Variants in KCNIP4 observed in about 807,000 individuals in gnomAD.
KCNIP4 encodes the protein potassium voltage-gated channel interacting protein 4, also known as Kv channel-interacting protein 4.
Under a neutral mutation model 34.0 loss-of-function variants are expected in KCNIP4, and 12 were observed. The observed-to-expected ratio is 0.35, with a 90% CI of 0.23 to 0.57. The LOEUF is 0.57. Ranked by LOEUF, KCNIP4 falls within the 20% of genes least tolerant of loss-of-function variation. The pLI, the probability that KCNIP4 is intolerant of heterozygous loss-of-function variation, is 0.83. For synonymous variants in KCNIP4, 124 were observed against 102.2 expected (o/e 1.21, Z -1.29); for missense variants, 238 against 311.7 (o/e 0.76, Z 1.78).
chr4:20,886,570 AT>A (rs1725340317), intron 1 of KCNIP4, among the ~76,000 whole-genome samples: 1 of 152,254 alleles, frequency 6.6e-6, no homozygotes, highest in African/African-American at 2.4e-5. Flanking sequence ...CACAAGCCAC[AT>A]AGAGCTGGAA....
At chr4:21,504,099 T>G (rs972387226) in intron 1 of KCNIP4, among the ~76,000 whole-genome samples, 10 of 152,160 alleles carry the variant, frequency 6.6e-5, no homozygotes, top group Admixed American at 2.6e-4. Flanking sequence ...AAACATCTCC[T>G]GAGCAATTTA....
intron 1 of KCNIP4, among the ~76,000 whole-genome samples, chr4:21,891,276 T>C (rs1249263498): frequency 1.3e-5 from 2 of 152,148 alleles, no homozygotes; most frequent in Non-Finnish European, 2.9e-5. Context: ...ACATCTGCCA[T>C]ACAACTTGCC....
chr4:21,762,133 C>A (rs543921740), intron 1 of KCNIP4, among the ~76,000 whole-genome samples: 1 of 151,788 alleles, frequency 6.6e-6, no homozygotes, highest in African/African-American at 2.4e-5. Context: ...GTAATATGTG[C>A]CACATATATA....
At chr4:21,837,799 G>A (rs532760038) in intron 1 of KCNIP4, among the ~76,000 whole-genome samples, 33 of 152,112 alleles carry the variant, frequency 2.2e-4, no homozygotes, top group African/African-American at 8.0e-4. Flanking sequence ...TGGAGTTTGG[G>A]ATCCTGAATA....
chr4:20,782,817 G>T (rs111955311), intron 3 of KCNIP4, among the ~76,000 whole-genome samples: 1 of 152,068 alleles, frequency 6.6e-6, no homozygotes, highest in African/African-American at 2.4e-5. Context: ...AATATATGCA[G>T]CTGACTTGAA....
chr4:21,867,800 TC>T (rs1725521848), intron 1 of KCNIP4, among the ~76,000 whole-genome samples: 1 of 152,204 alleles, frequency 6.6e-6, no homozygotes, highest in African/African-American at 2.4e-5. Flanking sequence ...TCAATATCAA[TC>T]TTCTTAATCT....
intron 1 of KCNIP4, among the ~76,000 whole-genome samples, chr4:21,292,865 T>C (rs1478564906): frequency 6.6e-6 from 1 of 152,160 alleles, no homozygotes; most frequent in African/African-American, 2.4e-5. Context: ...ATCAGGGACC[T>C]CAGTGGTTTT....
intron 1 of KCNIP4, among the ~76,000 whole-genome samples, chr4:21,573,903 G>A (rs1740539639): frequency 6.6e-6 from 1 of 152,124 alleles, no homozygotes; most frequent in African/African-American, 2.4e-5. Context: ...GCTAAGTTTA[G>A]TTACTGTTTC....
chr4:20,983,699 C>G, intron 1 of KCNIP4: 1 of 799,346 alleles, frequency 1.3e-6, no homozygotes, highest in Non-Finnish European at 2.0e-6. Flanking sequence ...CTATGCCAAA[C>G]ATGCATATTT....
chr4:21,630,606 G>A (rs1745693275), intron 1 of KCNIP4, among the ~76,000 whole-genome samples: 1 of 151,932 alleles, frequency 6.6e-6, no homozygotes, highest in Admixed American at 6.6e-5. Flanking sequence ...TTAGTTTCCA[G>A]CATCAAGTGT....
intron 3 of KCNIP4, among the ~76,000 whole-genome samples, chr4:20,778,008 TAGAC>T (rs1401556346): frequency 6.6e-6 from 1 of 151,964 alleles, no homozygotes; most frequent in African/African-American, 2.4e-5. Flanking sequence ...CAGGATAAAG[TAGAC>T]AGAGAGGTAC....
intron 1 of KCNIP4, among the ~76,000 whole-genome samples, chr4:21,457,766 T>C (rs943911441): frequency 6.6e-6 from 1 of 152,022 alleles, no homozygotes; most frequent in African/African-American, 2.4e-5. Flanking sequence ...ATGCCAACCA[T>C]GTGATATATA....
intron 1 of KCNIP4, among the ~76,000 whole-genome samples, chr4:20,916,680 A>G (rs1177243467): frequency 6.6e-6 from 1 of 151,906 alleles, no homozygotes; most frequent in African/African-American, 2.4e-5. Context: ...AATTGCAAAA[A>G]TCTTTTTCCC....
chr4:21,381,698 A>G (rs966713690), intron 1 of KCNIP4, among the ~76,000 whole-genome samples: 1 of 152,240 alleles, frequency 6.6e-6, no homozygotes, highest in South Asian at 2.1e-4. Flanking sequence ...TAATCATTAT[A>G]ACCATGTCAG....
At position 21,217,985 on chromosome 4, in the gene KCNIP4, T is replaced by G. The variant is rs542401293; in HGVS notation, c.62-335276A>C. Among the ~76,000 whole-genome samples the G allele has an allele frequency of 1.3e-3, 143 of 113,908 alleles. 1 individual carries two copies. Among genetic ancestry groups the G allele is most frequent in the Admixed American group, 0.01 (127 of 12,176 alleles). The allele number at this position is 113,908 out of a possible 152,430, so 74.7% of individuals were successfully genotyped here. A position where few individuals can be genotyped will look rare whatever the true frequency, so the allele number is the denominator to read the frequency against. On this transcript the variant is annotated intron_variant, in intron 1 of 8. Transcript: ENST00000382152. ...AGCTTTTGGTCACCATCCCCCTGTA[T>G]AGTTTTTTTTTTTAAATTTATTTAT...
intron 1 of KCNIP4, among the ~76,000 whole-genome samples, chr4:21,489,253 G>A (rs924721950): frequency 7.6e-5 from 11 of 145,404 alleles, no homozygotes; most frequent in African/African-American, 2.0e-4. Flanking sequence ...CTTTTGTATC[G>A]AGTAAAAGAA....
intron 1 of KCNIP4, among the ~76,000 whole-genome samples, chr4:21,586,814 GA>G (rs1375330006): frequency 6.6e-6 from 1 of 151,912 alleles, no homozygotes; most frequent in Non-Finnish European, 1.5e-5. Flanking sequence ...TAAGGGAAAG[GA>G]AAAAATGTAA....
At chr4:20,886,367 G>T (rs1394310491) in intron 1 of KCNIP4, among the ~76,000 whole-genome samples, 1 of 152,180 alleles carries the variant, frequency 6.6e-6, no homozygotes, top group African/African-American at 2.4e-5. Context: ...AGAGTTCCAG[G>T]CTCCTGAAGT....
At chr4:21,257,367 T>C (rs1173878064) in intron 1 of KCNIP4, among the ~76,000 whole-genome samples, 1 of 152,126 alleles carries the variant, frequency 6.6e-6, no homozygotes, top group Non-Finnish European at 1.5e-5. Flanking sequence ...TCTCCTTAAG[T>C]GTACCCCCCA....
Sources: allele counts gnomAD v4.1 joint callset (sites outside exome capture counted in the v4.1 genomes callset), GRCh38; gene constraint gnomAD v4.1.1; transcripts MANE v1.5; gene names NCBI Gene and HGNC (gene_info 2026-07-23, HGNC 2026-07-21).